DCAF5: variants seen among roughly 807,000 people sequenced by gnomAD.
The protein encoded by DCAF5 is DDB1 and CUL4 associated factor 5, also known as DDB1- and CUL4-associated factor 5.
A neutral mutation model predicts 80.7 loss-of-function variants in DCAF5; 9 were observed. That is an observed-to-expected ratio of 0.11 (90% CI 0.07 to 0.19). The LOEUF (loss-of-function observed/expected upper bound fraction) is 0.19, where lower values mean the gene tolerates loss of function less well. DCAF5 is among the 10% of genes least tolerant of loss of function. The pLI is 1.00. For synonymous variants in DCAF5, 433 were observed against 461.9 expected, an observed-to-expected ratio of 0.94 and a Z score of 0.80; for missense variants, 842 against 1,205.7, an observed-to-expected ratio of 0.70 and a Z score of 4.47.
At chr14:69,097,585 T>G (rs925817) in intron 5 of DCAF5, among the ~76,000 whole-genome samples, 1 of 84,950 alleles carries the variant, frequency 1.2e-5, no homozygotes, top group African/African-American at 4.4e-5. Context: ...TATTATTATT[T>G]TTTTTTTTTT....
intron 6 of DCAF5, chr14:69,090,934 A>G (rs1345948272): frequency 3.3e-6 from 2 of 607,774 alleles, no homozygotes; most frequent in East Asian, 5.5e-5. Context: ...CTTTCCTTAG[A>G]TTTGTCTTTC....
At chr14:69,151,417 G>A (rs2041698899) in intron 1 of DCAF5, among the ~76,000 whole-genome samples, 1 of 152,200 alleles carries the variant, frequency 6.6e-6, no homozygotes, top group Non-Finnish European at 1.5e-5. Context: ...GCTTTGCCAA[G>A]ATCCCAGAAG....
intron 6 of DCAF5, among the ~76,000 whole-genome samples, chr14:69,080,910 GA>G (rs2039074830): frequency 6.6e-6 from 1 of 152,062 alleles, no homozygotes; most frequent in African/African-American, 2.4e-5. Context: ...ACATGAATAT[GA>G]AAAATTCATT....
intron 1 of DCAF5, among the ~76,000 whole-genome samples, chr14:69,140,630 T>C (rs540474435): frequency 1.1e-3 from 161 of 152,096 alleles, no homozygotes; most frequent in African/African-American, 3.8e-3. Flanking sequence ...ATAGGAAGAC[T>C]GTAAAAACAA....
At chr14:69,107,661 C>T (rs2040209570) in intron 5 of DCAF5, among the ~76,000 whole-genome samples, 1 of 152,168 alleles carries the variant, frequency 6.6e-6, no homozygotes, top group Admixed American at 6.5e-5. Flanking sequence ...AACTAATTGA[C>T]GGTGGCATTC....
intron 5 of DCAF5, among the ~76,000 whole-genome samples, chr14:69,102,613 C>CACACACACACACACACACAT (rs1205018391): frequency 6.8e-6 from 1 of 148,114 alleles, no homozygotes; most frequent in Admixed American, 6.7e-5. Flanking sequence ...CACACACACA[C>CACACACACACACACACACAT]ACACACATAT....
Position 69,053,800 on chromosome 14 carries a change from A to G in DCAF5, c.*57T>C. 2.1e-6 allele frequency: 3 copies of G among 1,430,086 alleles called. No homozygotes were observed. Among genetic ancestry groups the G allele is most frequent in the Non-Finnish European group, 2.8e-6 (3 of 1,070,842 alleles). The allele number at this position is 1,430,086 out of a possible 1,614,324, so 88.6% of individuals were successfully genotyped here. ...TTCCTTTCCTCTGTATTCACTAAAC[A>G]ATTTTTTTTTTTTTGTAAGGCTACT... On this transcript the variant is annotated 3_prime_UTR_variant, in exon 9 of 9. Transcript: ENST00000341516.
chr14:69,065,243 T>C (rs1262221560), intron 7 of DCAF5, among the ~76,000 whole-genome samples: 2 of 151,922 alleles, frequency 1.3e-5, no homozygotes, highest in Non-Finnish European at 2.9e-5. Context: ...ATTACAGGCA[T>C]CCACCACCAT....
At chr14:69,148,626 C>T (rs1314870626) in intron 1 of DCAF5, among the ~76,000 whole-genome samples, 4 of 151,992 alleles carry the variant, frequency 2.6e-5, no homozygotes, top group Non-Finnish European at 4.4e-5. Flanking sequence ...ACCCAGGAGG[C>T]GGAGGTTGCA....
chr14:69,100,808 T>C (rs1243259761), intron 5 of DCAF5, among the ~76,000 whole-genome samples: 3 of 152,194 alleles, frequency 2.0e-5, no homozygotes, highest in Non-Finnish European at 4.4e-5. Context: ...GAAGCCAAGA[T>C]TATTATTGAG....
intron 6 of DCAF5, among the ~76,000 whole-genome samples, chr14:69,079,996 T>C (rs1034851854): frequency 1.3e-5 from 2 of 152,144 alleles, no homozygotes; most frequent in African/African-American, 4.8e-5. Context: ...GTATTTTGAA[T>C]AGAGCCCTGA....
rs200483812 is a variant in DCAF5 at position 69,075,400 on chromosome 14, C to T, written c.891G>A (p.Ser297=). 8.8e-6 allele frequency: 14 copies of T among 1,596,618 alleles called. No homozygotes were observed. Among genetic ancestry groups the T allele is most frequent in the African/African-American group, 2.7e-5 (2 of 74,310 alleles). The change falls in exon 7 of 9, where the codon TCG becomes TCA. Residue 297 remains serine (S), a synonymous_variant. Coordinates refer to ENST00000341516, the MANE Select transcript of DCAF5 (RefSeq NM_003861.3). The part of the protein sequence containing the change: ...FAGDRDQYIL[S]GSDDFNLYMW... ...TGTACAGGTTGAAGTCATCAGAGCC[C>T]GAAAGGATATACTGTTGGAACAAAA...
intron 8 of DCAF5, among the ~76,000 whole-genome samples, chr14:69,058,612 C>A (rs1366834996): frequency 6.6e-6 from 1 of 151,936 alleles, no homozygotes; most frequent in African/African-American, 2.4e-5. Context: ...TGGTGGCTCA[C>A]ACCTGTAATC....
intron 6 of DCAF5, chr14:69,090,064 GC>G (rs2039477375): frequency 1.0e-6 from 1 of 985,172 alleles, no homozygotes; most frequent in South Asian, 4.7e-5. Context: ...TGGAAATAAA[GC>G]CTAGTAAACT....
chr14:69,132,016 A>G (rs1179759042), intron 1 of DCAF5, among the ~76,000 whole-genome samples: 1 of 152,102 alleles, frequency 6.6e-6, no homozygotes, highest in African/African-American at 2.4e-5. Context: ...GTATGTATAG[A>G]CTACATTTTG....
At chr14:69,138,529 C>G (rs1341034853) in intron 1 of DCAF5, among the ~76,000 whole-genome samples, 1 of 152,186 alleles carries the variant, frequency 6.6e-6, no homozygotes. Flanking sequence ...GAGTAAGCCA[C>G]TTAGGAGTTT....
intron 6 of DCAF5, among the ~76,000 whole-genome samples, chr14:69,079,546 T>C (rs188740692): frequency 3.3e-5 from 5 of 152,348 alleles, no homozygotes; most frequent in East Asian, 3.9e-4. Context: ...GCAGAATTCA[T>C]TATGGCATTT....
chr14:69,108,871 T>A (rs914076538), intron 5 of DCAF5, among the ~76,000 whole-genome samples: 3 of 152,286 alleles, frequency 2.0e-5, no homozygotes, highest in Non-Finnish European at 4.4e-5. Context: ...CAGTTTTCTA[T>A]AATACCACCA....
chr14:69,066,032 G>A (rs538441160), intron 7 of DCAF5, among the ~76,000 whole-genome samples: 1 of 152,158 alleles, frequency 6.6e-6, no homozygotes, highest in Non-Finnish European at 1.5e-5. Context: ...CCAGGAAAAA[G>A]GATCTCATTC....
Sources: allele counts gnomAD v4.1 joint callset (sites outside exome capture counted in the v4.1 genomes callset), GRCh38; gene constraint gnomAD v4.1.1; transcripts MANE v1.5; gene names NCBI Gene and HGNC (gene_info 2026-07-23, HGNC 2026-07-21).